The following PATJ variants were observed in gnomAD, a reference collection of about 807,000 sequenced individuals.
PATJ encodes the protein PATJ crumbs cell polarity complex component.
Under a neutral mutation model 224.9 loss-of-function variants are expected in PATJ, and 190 were observed. The ratio of observed to expected loss-of-function variants is 0.84; its 90% CI spans 0.75 to 0.95. PATJ has a LOEUF of 0.95. PATJ is among the 40% of genes least tolerant of loss of function. PATJ has a pLI of 0.00. For missense variants in PATJ, 2,121 were observed against 2,270.3 expected (o/e 0.93, Z 1.34); for synonymous variants, 769 against 820.3 (o/e 0.94, Z 1.07).
chr1:62,112,194 T>G (rs1375129682), intron 34 of PATJ, among the ~76,000 whole-genome samples: 1 of 152,048 alleles, frequency 6.6e-6, no homozygotes, highest in Non-Finnish European at 1.5e-5. Flanking sequence ...TCCTTAGTCT[T>G]TAGAATGTTA....
chr1:62,125,249 A>AAC (rs1665567313), intron 39 of PATJ, among the ~76,000 whole-genome samples: 1 of 106,134 alleles, frequency 9.4e-6, no homozygotes, highest in Non-Finnish European at 1.9e-5. Context: ...AAAAAAAAAA[A>AAC]AAAACAAAAA....
intron 27 of PATJ, among the ~76,000 whole-genome samples, chr1:61,956,608 T>C (rs574049022): frequency 6.6e-6 from 1 of 152,342 alleles, no homozygotes; most frequent in South Asian, 2.1e-4. Flanking sequence ...TGAGTATATC[T>C]CATGCTTCTT....
chr1:62,017,072 G>A (rs1646808530), intron 28 of PATJ, among the ~76,000 whole-genome samples: 1 of 152,198 alleles, frequency 6.6e-6, no homozygotes, highest in African/African-American at 2.4e-5. Flanking sequence ...ATTTTTGATA[G>A]CTGTTTAGAA....
intron 28 of PATJ, among the ~76,000 whole-genome samples, chr1:62,010,771 C>G (rs1303691226): frequency 6.6e-6 from 1 of 152,184 alleles, no homozygotes; most frequent in East Asian, 1.9e-4. Flanking sequence ...AGGAAACTTA[C>G]AATCATGGCT....
intron 24 of PATJ, among the ~76,000 whole-genome samples, chr1:61,901,709 G>C (rs1671177544): frequency 6.6e-6 from 1 of 152,128 alleles, no homozygotes; most frequent in Non-Finnish European, 1.5e-5. Flanking sequence ...CTAACAAAGG[G>C]CTCTATATAG....
chr1:61,909,503 C>T (rs1042649859), intron 25 of PATJ, among the ~76,000 whole-genome samples: 1 of 151,992 alleles, frequency 6.6e-6, no homozygotes, highest in Non-Finnish European at 1.5e-5. Context: ...GATAGAGTCT[C>T]ATTCTGTCAC....
chr1:61,986,251 T>TAAAGA (rs1356546764), intron 27 of PATJ, among the ~76,000 whole-genome samples: 9 of 152,098 alleles, frequency 5.9e-5, no homozygotes, highest in African/African-American at 2.2e-4. Flanking sequence ...ATTACAGTTT[T>TAAAGA]ACATTTATTC....
rs1553280094 is a variant in PATJ at position 62,144,777 on chromosome 1, A to ATATATATAT, written c.5272-3507_5272-3506insTATATATAT. ...TAGAATGTTATTTGCAAAAAAAAAA[A>ATATATATAT]ATATATATATATATATATAATTAGC... On this transcript the variant is annotated intron_variant, in intron 41 of 43. Coordinates refer to ENST00000642238, the MANE Select transcript of PATJ (RefSeq NM_001350145.3). Among the ~76,000 whole-genome samples, 481 of 119,054 alleles carry ATATATATAT rather than the reference A, an allele frequency of 4.0e-3. 12 individuals carry two copies. Among genetic ancestry groups the ATATATATAT allele is most frequent in the African/African-American group, 0.013 (384 of 29,278 alleles). The allele number at this position is 119,054 out of a possible 152,430, so 78.1% of individuals were successfully genotyped here.
chr1:61,881,970 C>T (rs1337540266), intron 21 of PATJ, among the ~76,000 whole-genome samples: 4 of 152,134 alleles, frequency 2.6e-5, no homozygotes, highest in Non-Finnish European at 5.9e-5. Context: ...ACAGTATACT[C>T]ATATTTTTTA....
intron 27 of PATJ, among the ~76,000 whole-genome samples, chr1:61,938,680 T>C (rs1052627288): frequency 6.6e-6 from 1 of 152,020 alleles, no homozygotes; most frequent in Non-Finnish European, 1.5e-5. Flanking sequence ...TGAGACCTCA[T>C]CTCTGTTAAA....
At chr1:62,051,197 G>A in intron 31 of PATJ, 139 bp downstream of exon 31, 1 of 659,882 alleles carries the variant, frequency 1.5e-6, no homozygotes, top group Non-Finnish European at 2.6e-6. Context: ...GCTATTATAT[G>A]TAGTGAGTGA....
chr1:62,036,674 T>C (rs1324263476), intron 29 of PATJ, among the ~76,000 whole-genome samples: 1 of 151,554 alleles, frequency 6.6e-6, no homozygotes, highest in Non-Finnish European at 1.5e-5. Flanking sequence ...TGAACTCACA[T>C]TGGAGGGGAA....
chr1:61,812,058 C>G (rs1654886186), intron 14 of PATJ, among the ~76,000 whole-genome samples: 1 of 149,986 alleles, frequency 6.7e-6, no homozygotes, highest in South Asian at 2.1e-4. Context: ...GAGACTCCAT[C>G]TCAAAAAAAA....
chr1:62,014,629 C>A (rs766641712), intron 28 of PATJ, among the ~76,000 whole-genome samples: 2 of 135,910 alleles, frequency 1.5e-5, no homozygotes, highest in Non-Finnish European at 3.1e-5. Context: ...TGCTGTGGCA[C>A]AATCTTGCCT....
In PATJ at chr1:61,801,398, C is replaced by A. The variant is rs1354963130; in HGVS notation, c.1403-225C>A. On this transcript the variant is annotated intron_variant, in intron 11 of 43. Coordinates refer to ENST00000642238, the MANE Select transcript of PATJ (RefSeq NM_001350145.3). ...CCTTATTCTTTTCAATGCCATTAAT[C>A]CATTAATAAGTTCATTTTTTAAGGA... 3.3e-5 allele frequency among the ~76,000 whole-genome samples: 5 copies of A among 152,132 alleles called. No individual in the cohort carries two copies. The East Asian group carries it at 9.6e-4, about 29-fold the overall frequency.
chr1:61,767,702 A>C (rs566417813), intron 4 of PATJ, among the ~76,000 whole-genome samples: 22 of 141,792 alleles, frequency 1.6e-4, no homozygotes, highest in Non-Finnish European at 2.7e-4. Flanking sequence ...TTTGAGATGA[A>C]GTCTTGCTCT....
chr1:61,772,111 T>TTG (rs1646650696), intron 6 of PATJ, among the ~76,000 whole-genome samples: 1 of 151,290 alleles, frequency 6.6e-6, no homozygotes, highest in Non-Finnish European at 1.5e-5. Context: ...CGGTCGTTTT[T>TTG]TTTTTTTTTT....
At chr1:62,126,476 C>T (rs551359527) in intron 39 of PATJ, among the ~76,000 whole-genome samples, 2 of 152,210 alleles carry the variant, frequency 1.3e-5, no homozygotes, top group Non-Finnish European at 2.9e-5. Flanking sequence ...TACGCTGTCA[C>T]GTGCCTGTGC....
intron 31 of PATJ, among the ~76,000 whole-genome samples, chr1:62,077,760 C>T (rs1424861580): frequency 6.6e-6 from 1 of 151,920 alleles, no homozygotes; most frequent in Non-Finnish European, 1.5e-5. Flanking sequence ...GAATCATTGC[C>T]TATCAGCTGT....
Sources: allele counts gnomAD v4.1 joint callset (sites outside exome capture counted in the v4.1 genomes callset), GRCh38; gene constraint gnomAD v4.1.1; transcripts MANE v1.5; gene names NCBI Gene and HGNC (gene_info 2026-07-23, HGNC 2026-07-21).